LDLRAD2: variants seen among roughly 807,000 people sequenced by gnomAD.
The protein encoded by LDLRAD2 is low-density lipoprotein receptor class A domain-containing protein 2.
In LDLRAD2, 25 loss-of-function variants were observed where a neutral mutation model predicts 24.9. That is an observed-to-expected ratio of 1.00 (90% CI 0.73 to 1.40). The LOEUF is 1.40. Ranked by LOEUF, LDLRAD2 falls within the 40% of genes most tolerant of loss-of-function variation. LDLRAD2 has a pLI of 0.00. For missense variants in LDLRAD2, 391 were observed against 366.2 expected (o/e 1.07, Z -0.55); for synonymous variants, 182 against 166.7 (o/e 1.09, Z -0.71).
chr1:21,818,159 AC>A (rs2097946030), intron 3 of LDLRAD2, among the ~76,000 whole-genome samples: 1 of 33,790 alleles, frequency 3.0e-5, no homozygotes, highest in African/African-American at 1.6e-4. Flanking sequence ...TTACAGGTGC[AC>A]ACCACCACGC....
At chr1:21,820,263 C>T (rs2097948929) in intron 3 of LDLRAD2, among the ~76,000 whole-genome samples, 2 of 152,160 alleles carry the variant, frequency 1.3e-5, no homozygotes, top group African/African-American at 4.8e-5. Context: ...CCGCTGGGCG[C>T]GGTGGCTCAC....
chr1:21,824,468 C>T lies in LDLRAD2; in HGVS notation c.*2253C>T. 2 of 1,604,764 alleles carry T rather than the reference C, an allele frequency of 1.2e-6. No individual in the cohort carries two copies. The highest frequency in any genetic ancestry group is 1.7e-6 in the Non-Finnish European group (2 of 1,174,024). ...GCTCTGCTTTCCCCTCCCCCCACCA[C>T]TCCGGCCACCAGGAAGCCAGCTTCC... is the stretch of plus-strand genomic sequence containing the variant. On this transcript the variant is annotated 3_prime_UTR_variant, in exon 5 of 5. Coordinates refer to ENST00000344642, the MANE Select transcript of LDLRAD2 (RefSeq NM_001013693.3). This position sits in a 1 kb window ranked among gnomAD's most constrained non-coding sequence, Gnocchi z 5.9.
chr1:21,823,712 G>C lies in LDLRAD2; in HGVS notation c.*1497G>C. Reference sequence around the variant, plus strand: ...CCGTCGACTTGGATGGAACCTCTGCGGCCCTCCCTGCAGTGGAACTGGGTC... The same window carrying C: ...CCGTCGACTTGGATGGAACCTCTGCCGCCCTCCCTGCAGTGGAACTGGGTC... On this transcript the variant is annotated 3_prime_UTR_variant, in exon 5 of 5. Transcript: ENST00000344642. 1 of 1,613,190 alleles carries C rather than the reference G, an allele frequency of 6.2e-7. No homozygotes were observed. The highest frequency in any genetic ancestry group is 8.5e-7 in the Non-Finnish European group (1 of 1,179,810).
Position 21,822,551 on chromosome 1 carries a change from T to G in LDLRAD2, c.*336T>G. ...CTTCACTTCCAGATGGGTGGGGATG[T>G]GGCCTGGGGTGGGCGGGGCCCGGTG... On this transcript the variant is annotated 3_prime_UTR_variant, in exon 5 of 5. Transcript: ENST00000344642. The G allele has an allele frequency of 1.4e-4, 27 of 199,388 alleles. No homozygotes were observed. The highest frequency in any genetic ancestry group is 4.5e-4 in the South Asian group (7 of 15,492). 12.4% of individuals were successfully genotyped at this position (199,388 alleles called of 1,614,324 possible).
chr1:21,824,401 G>T lies in LDLRAD2; in HGVS notation c.*2186G>T, dbSNP rs1440312137. 1 of 1,613,012 alleles carries T rather than the reference G, an allele frequency of 6.2e-7. No homozygotes were observed. The highest frequency in any genetic ancestry group is 1.3e-5 in the African/African-American group (1 of 74,906). On this transcript the variant is annotated 3_prime_UTR_variant, in exon 5 of 5. Coordinates refer to ENST00000344642, the MANE Select transcript of LDLRAD2 (RefSeq NM_001013693.3). The surrounding 1 kb of genome is among the most constrained non-coding windows in gnomAD (Gnocchi z 5.9). ...CCTGCCAGGGAAGCACAGGGTCTCTGGGGTCCCCAGCCTGGAGAGCAGAGG... is the reference window on the plus strand; with the variant it reads ...CCTGCCAGGGAAGCACAGGGTCTCTTGGGTCCCCAGCCTGGAGAGCAGAGG...
Position 21,823,180 on chromosome 1 carries a change from C to T in LDLRAD2, c.*965C>T. ...TGAGGGTGGCATGCCCACCTCCAGT[C>T]CAGCCCAGGGCGGTAGCAGCAAAGC... On this transcript the variant is annotated 3_prime_UTR_variant, in exon 5 of 5. Transcript: ENST00000344642. 2.3e-6 allele frequency: 2 copies of T among 885,320 alleles called. No individual in the cohort carries two copies. Among genetic ancestry groups the T allele is most frequent in the Non-Finnish European group, 3.2e-6 (2 of 622,016 alleles). The allele number at this position is 885,320 out of a possible 1,614,324, so 54.8% of individuals were successfully genotyped here.
intron 3 of LDLRAD2, among the ~76,000 whole-genome samples, chr1:21,818,023 C>G (rs2097945722): frequency 6.6e-6 from 1 of 151,824 alleles, no homozygotes; most frequent in Admixed American, 6.6e-5. Flanking sequence ...ATTACAGGTG[C>G]ACACCACCAC....
At chr1:21,818,242 C>T (rs1219071831) in intron 3 of LDLRAD2, among the ~76,000 whole-genome samples, 1 of 149,322 alleles carries the variant, frequency 6.7e-6, no homozygotes, top group African/African-American at 2.5e-5. Context: ...AAACTCCTGA[C>T]CTCAAGTGAT....
In LDLRAD2 at chr1:21,823,739, G is replaced by C; in HGVS notation, c.*1524G>C. 6.2e-7 allele frequency: 1 copy of C among 1,602,416 alleles called. No individual in the cohort carries two copies. Among genetic ancestry groups the C allele is most frequent in the South Asian group, 1.1e-5 (1 of 90,884 alleles). On this transcript the variant is annotated 3_prime_UTR_variant, in exon 5 of 5. Transcript: ENST00000344642. ...CCCTCCCTGCAGTGGAACTGGGTCA[G>C]GCCCCTTTCCACAAACTTCCTGGTC... is the stretch of plus-strand genomic sequence containing the variant.
Position 21,822,298 on chromosome 1 carries a change from T to G in LDLRAD2, c.*83T>G, listed in dbSNP as rs529474269. ...AATCAAGACAAAGACCACAGGAGGG[T>G]CCCTTCTAGGACACAGAGGCCAGGC... On this transcript the variant is annotated 3_prime_UTR_variant, in exon 5 of 5. Transcript: ENST00000344642. 1,135 of 1,448,002 alleles carry G rather than the reference T, an allele frequency of 7.8e-4. 12 individuals carry two copies. In the South Asian group the frequency reaches 0.01, roughly 13 times the overall value. 89.7% of individuals were successfully genotyped at this position (1,448,002 alleles called of 1,614,324 possible).
At chr1:21,820,573 C>T (rs1001226439) in intron 3 of LDLRAD2, among the ~76,000 whole-genome samples, 1 of 151,992 alleles carries the variant, frequency 6.6e-6, no homozygotes, top group Non-Finnish European at 1.5e-5. Flanking sequence ...GCCCTGCCCC[C>T]ACCAACATGC....
intron 3 of LDLRAD2, 122 bp from the exon 4 acceptor site, chr1:21,821,327 CT>C (rs2097951591): frequency 1.5e-6 from 2 of 1,313,318 alleles, no homozygotes; most frequent in African/African-American, 2.9e-5. Context: ...AAGTGACAAC[CT>C]CTCTGTAAAA....
In LDLRAD2 at chr1:21,824,938, A is replaced by G. The variant is rs972790248; in HGVS notation, c.*2723A>G. 1.6e-5 allele frequency: 11 copies of G among 700,036 alleles called. No homozygotes were observed. In the Admixed American group the frequency reaches 1.7e-4, roughly 11 times the overall value. The allele number at this position is 700,036 out of a possible 1,614,324, so 43.4% of individuals were successfully genotyped here. On this transcript the variant is annotated 3_prime_UTR_variant, in exon 5 of 5. Transcript: ENST00000344642. This position sits in a 1 kb window ranked among gnomAD's most constrained non-coding sequence, Gnocchi z 5.9. ...CGGGGGCTGCCAACAGAATTCAGGG[A>G]GCCTATGACCTTGGATGGGAAAGCA...
In LDLRAD2 at chr1:21,823,652, T is replaced by A. The variant is rs375607133; in HGVS notation, c.*1437T>A. The A allele has an allele frequency of 6.2e-7, 1 of 1,613,798 alleles. No homozygotes were observed. Among genetic ancestry groups the A allele is most frequent in the Non-Finnish European group, 8.5e-7 (1 of 1,180,000 alleles). On this transcript the variant is annotated 3_prime_UTR_variant, in exon 5 of 5. Coordinates refer to ENST00000344642, the MANE Select transcript of LDLRAD2 (RefSeq NM_001013693.3). ...CTGCCCTTGGCGTTGACTGCCACGT[T>A]GGGACCTGGGGACCGGCCGCTGACC...
At position 21,814,742 on chromosome 1, in the gene LDLRAD2, C is replaced by G; in HGVS notation, c.430C>G (p.Pro144Ala). The change falls in exon 2 of 5, where the codon CCC becomes GCC. Residue 144 changes from proline to alanine, a missense_variant. Transcript: ENST00000344642. ...NIPVPVASSGPFLGLRLVTRG... is the reference protein window; with the variant it reads ...NIPVPVASSGAFLGLRLVTRG... ...CCCGGTGCCTGTGGCATCCTCCGGA[C>G]CCTTTCTAGGCCTGCGCCTGGTCAC... 6.5e-7 allele frequency: 1 copy of G among 1,546,802 alleles called. No homozygotes were observed. Among genetic ancestry groups the G allele is most frequent in the Non-Finnish European group, 8.7e-7 (1 of 1,148,610 alleles).
At chr1:21,821,730 A>G in intron 4 of LDLRAD2, 119 bp downstream of exon 4, 1 of 1,524,516 alleles carries the variant, frequency 6.6e-7, no homozygotes, top group Non-Finnish European at 8.8e-7. Flanking sequence ...ACAGGCCCCC[A>G]GCTCTGAGGG....
intron 3 of LDLRAD2, among the ~76,000 whole-genome samples, chr1:21,819,907 C>G (rs1031124485): frequency 5.3e-5 from 8 of 152,184 alleles, no homozygotes; most frequent in Non-Finnish European, 1.2e-4. Flanking sequence ...AACTTACAAT[C>G]TTGGCAGAAG....
rs748516523 is a variant in LDLRAD2, at chr1:21,824,092, C to T, written c.*1877C>T. Reference sequence around the variant, plus strand: ...TGCCCCACTCCAGAACGCTGGGCCCCATCCCGAGTGCCCGGCAGGGTCCCT... The same window carrying T: ...TGCCCCACTCCAGAACGCTGGGCCCTATCCCGAGTGCCCGGCAGGGTCCCT... On this transcript the variant is annotated 3_prime_UTR_variant, in exon 5 of 5. Coordinates refer to ENST00000344642, the MANE Select transcript of LDLRAD2 (RefSeq NM_001013693.3). The surrounding 1 kb of genome is among the most constrained non-coding windows in gnomAD (Gnocchi z 5.9). The T allele has an allele frequency of 6.3e-7, 1 of 1,596,886 alleles. No individual in the cohort carries two copies. Among genetic ancestry groups the T allele is most frequent in the Non-Finnish European group, 8.6e-7 (1 of 1,168,268 alleles).
At chr1:21,816,307 A>G (rs1002011876) in intron 3 of LDLRAD2, among the ~76,000 whole-genome samples, 3 of 152,216 alleles carry the variant, frequency 2.0e-5, no homozygotes, top group Admixed American at 2.0e-4. Context: ...ACTTTTGCTA[A>G]ATGGGACCTG....
Sources: gnomAD v4.1 joint callset for allele counts (sites outside exome capture counted in the v4.1 genomes callset) on GRCh38, gnomAD v4.1.1 for gene constraint, Gnocchi (gnomAD v3.1) non-coding constraint, MANE v1.5 for transcripts, NCBI Gene and HGNC (gene_info 2026-07-23, HGNC 2026-07-21) for gene names.